The following SMAD6 variants were observed in gnomAD, a reference collection of about 807,000 sequenced individuals.
SMAD6 encodes the protein SMAD family member 6.
SMAD6 carries 103 observed loss-of-function variants against 39.4 expected under a neutral mutation model. The ratio of observed to expected loss-of-function variants is 2.62; its 90% confidence interval spans 2.23 to 3.08. SMAD6 has a LOEUF of 3.08. SMAD6 is among the 30% of genes most tolerant of loss of function. The pLI is 0.00. For missense variants in SMAD6, 1,104 were observed against 742.9 expected (o/e 1.49, Z -5.65); for synonymous variants, 445 against 353.3 (o/e 1.26, Z -2.91).
intron 3 of SMAD6, among the ~76,000 whole-genome samples, chr15:66,754,552 ATT>A (rs1321593907): frequency 3.3e-5 from 5 of 152,114 alleles, no homozygotes; most frequent in Non-Finnish European, 7.4e-5. Context: ...GGATTCATTT[ATT>A]CTCATTTTCA....
intron 3 of SMAD6, among the ~76,000 whole-genome samples, chr15:66,751,093 G>A (rs921383909): frequency 3.3e-5 from 5 of 152,176 alleles, no homozygotes; most frequent in Non-Finnish European, 7.4e-5. Context: ...CCTGCCTTTT[G>A]GAGAACAAAT....
intron 2 of SMAD6, among the ~76,000 whole-genome samples, chr15:66,715,161 CT>C (rs1419439011): frequency 6.6e-6 from 1 of 150,724 alleles, no homozygotes; most frequent in Non-Finnish European, 1.5e-5. Context: ...TTTTCTCTTC[CT>C]TGCATTGTTG....
Position 66,757,118 on chromosome 15 carries a change from C to G in SMAD6, c.953-23879C>G, listed in dbSNP as rs12148075. 3.3e-5 allele frequency among the ~76,000 whole-genome samples: 5 copies of G among 152,088 alleles called. No individual in the cohort carries two copies. In the South Asian group the frequency reaches 1.0e-3, roughly 31 times the overall value. On this transcript the variant is annotated intron_variant, in intron 3 of 3. Transcript: ENST00000288840. Reference sequence around the variant, plus strand: ...CCTCAGTTTCCCCATCTGTAGTGTACGTGATAGTCCTCGTCTCCCGTTCAT... The same window carrying G: ...CCTCAGTTTCCCCATCTGTAGTGTAGGTGATAGTCCTCGTCTCCCGTTCAT...
chr15:66,761,258 G>A (rs1894193371), intron 3 of SMAD6, among the ~76,000 whole-genome samples: 1 of 152,162 alleles, frequency 6.6e-6, no homozygotes, highest in Non-Finnish European at 1.5e-5. Flanking sequence ...ATCTCTAGCA[G>A]CCCCGTACAA....
chr15:66,721,430 G>A (rs939345059), intron 3 of SMAD6, among the ~76,000 whole-genome samples: 36 of 152,158 alleles, frequency 2.4e-4, no homozygotes, highest in African/African-American at 8.4e-4. Flanking sequence ...GACTCTGAGA[G>A]TTCCGTGTTC....
At chr15:66,727,158 A>G (rs2140620050) in intron 3 of SMAD6, among the ~76,000 whole-genome samples, 1 of 150,236 alleles carries the variant, frequency 6.7e-6, no homozygotes, top group South Asian at 2.1e-4. Flanking sequence ...GCTGGAGTGC[A>G]GTGGCATGAT....
At chr15:66,748,683 A>G (rs896086660) in intron 3 of SMAD6, among the ~76,000 whole-genome samples, 2 of 152,152 alleles carry the variant, frequency 1.3e-5, no homozygotes. Context: ...AGGCCCTTTC[A>G]GGGGAGGGAG....
chr15:66,771,689 C>T (rs1341641299), intron 3 of SMAD6, among the ~76,000 whole-genome samples: 1 of 152,182 alleles, frequency 6.6e-6, no homozygotes, highest in Non-Finnish European at 1.5e-5. Context: ...GACTTTGGGT[C>T]TGTCCTGAGG....
chr15:66,720,236 CTTTT>C (rs35007669), intron 3 of SMAD6, among the ~76,000 whole-genome samples: 1 of 145,018 alleles, frequency 6.9e-6, no homozygotes, highest in South Asian at 2.2e-4. Context: ...GGTAGGCAAA[CTTTT>C]TTTTTTTTTT....
intron 1 of SMAD6, among the ~76,000 whole-genome samples, chr15:66,709,596 G>C (rs1893187950): frequency 6.6e-6 from 1 of 152,236 alleles, no homozygotes; most frequent in Non-Finnish European, 1.5e-5. Flanking sequence ...TCCATGCCAT[G>C]TGTGGCCTAG....
intron 1 of SMAD6, 193 bp downstream of exon 1, chr15:66,704,268 G>A: frequency 2.5e-6 from 1 of 399,560 alleles, no homozygotes; most frequent in East Asian, 3.6e-5. Context: ...ACATCAAGTG[G>A]CAACTTTATC....
intron 3 of SMAD6, among the ~76,000 whole-genome samples, chr15:66,749,926 A>G (rs1170700855): frequency 6.6e-6 from 1 of 152,168 alleles, no homozygotes; most frequent in Non-Finnish European, 1.5e-5. Flanking sequence ...TTGGCTCTGA[A>G]GAGAGAAAGG....
intron 3 of SMAD6, among the ~76,000 whole-genome samples, chr15:66,744,800 TC>T (rs1423768363): frequency 6.6e-6 from 1 of 152,180 alleles, no homozygotes; most frequent in Non-Finnish European, 1.5e-5. Flanking sequence ...CGCCAGTCCC[TC>T]TAGTGGGTGC....
At chr15:66,736,743 T>C (rs1176870259) in intron 3 of SMAD6, among the ~76,000 whole-genome samples, 1 of 151,890 alleles carries the variant, frequency 6.6e-6, no homozygotes, top group African/African-American at 2.4e-5. Flanking sequence ...CTTGGCTCAC[T>C]GCAACCTCTG....
At chr15:66,738,898 TC>T (rs1267371548) in intron 3 of SMAD6, among the ~76,000 whole-genome samples, 2 of 152,118 alleles carry the variant, frequency 1.3e-5, no homozygotes, top group Non-Finnish European at 1.5e-5. Context: ...TTCACAGGCG[TC>T]CTTCTCTGGG....
Position 66,703,626 on chromosome 15 carries a change from C to T in SMAD6, c.368C>T (p.Thr123Met), listed in dbSNP as rs2140581445. ...PGWLPESDCETVTCCLFSERD... is the reference protein window; with the variant it reads ...PGWLPESDCEMVTCCLFSERD... ...TGGCTGCCCGAGAGTGACTGCGAGA[C>T]GGTGACCTGCTGTCTCTTTTCGGAG... is the stretch of plus-strand genomic sequence containing the variant. The change falls in exon 1 of 4, where the codon ACG becomes ATG. Residue 123 changes from threonine to methionine, a missense_variant. Physicochemically the swap from Thr to Met is moderately conservative, Grantham distance 81. Transcript: ENST00000288840. 3 of 1,230,906 alleles carry T rather than the reference C, an allele frequency of 2.4e-6. No individual in the cohort carries two copies. Among genetic ancestry groups the T allele is most frequent in the Middle Eastern group, 3.1e-4 (1 of 3,194 alleles). The allele number at this position is 1,230,906 out of a possible 1,614,324, so 76.2% of individuals were successfully genotyped here.
At chr15:66,723,840 C>T (rs1169816244) in intron 3 of SMAD6, among the ~76,000 whole-genome samples, 1 of 152,186 alleles carries the variant, frequency 6.6e-6, no homozygotes, top group Non-Finnish European at 1.5e-5. Context: ...AGCAAACAGA[C>T]AGTGGTGACT....
At chr15:66,750,383 G>A (rs1290047421) in intron 3 of SMAD6, among the ~76,000 whole-genome samples, 1 of 152,186 alleles carries the variant, frequency 6.6e-6, no homozygotes, top group Admixed American at 6.5e-5. Context: ...GACATTCCAT[G>A]TGGCCAGTGA....
chr15:66,733,637 G>A (rs1893667272), intron 3 of SMAD6, among the ~76,000 whole-genome samples: 1 of 152,194 alleles, frequency 6.6e-6, no homozygotes, highest in South Asian at 2.1e-4. Context: ...GACCATATAT[G>A]CATAGGACTT....
Sources: gnomAD v4.1 joint callset for allele counts (sites outside exome capture counted in the v4.1 genomes callset) on GRCh38, gnomAD v4.1.1 for gene constraint, MANE v1.5 for transcripts, NCBI Gene and HGNC (gene_info 2026-07-23, HGNC 2026-07-21) for gene names.